The following TMEM119 variants were observed in gnomAD, a reference collection of about 807,000 sequenced individuals.
TMEM119 encodes transmembrane protein 119.
For synonymous variants in TMEM119, 182 were observed against 176.4 expected, an observed-to-expected ratio of 1.03 and a Z score of -0.25; for missense variants, 410 against 381.0, an observed-to-expected ratio of 1.08 and a Z score of -0.63.
chr12:108,597,555 C>G (rs1232721571), intron 1 of TMEM119, among the ~76,000 whole-genome samples: 1 of 151,978 alleles, frequency 6.6e-6, no homozygotes, highest in African/African-American at 2.4e-5. Context: ...CCCAACAGCA[C>G]TCTCATGGCC....
At position 108,592,698 on chromosome 12, in the gene TMEM119, T is replaced by C. The variant is rs1007763456; in HGVS notation, c.-14-301A>G. Among the ~76,000 whole-genome samples, 3 of 152,140 alleles carry C rather than the reference T, an allele frequency of 2.0e-5. No homozygotes were observed. Among genetic ancestry groups the C allele is most frequent in the Non-Finnish European group, 4.4e-5 (3 of 68,014 alleles). ...ATGTACCCTGACTGACGTGGCTGAA[T>C]TAATAATGATAATTTACACTTTCAT... On this transcript the variant is annotated intron_variant, in intron 1 of 1. Coordinates refer to ENST00000392806, the MANE Select transcript of TMEM119 (RefSeq NM_181724.3). This position sits in a 1 kb window ranked among gnomAD's most constrained non-coding sequence, Gnocchi z 4.3.
At chr12:108,593,120 C>T (rs376558129) in intron 1 of TMEM119, among the ~76,000 whole-genome samples, 3 of 152,114 alleles carry the variant, frequency 2.0e-5, no homozygotes, top group South Asian at 4.1e-4. Context: ...TCAAACCTTC[C>T]GCCAGCCCAG....
Position 108,591,504 on chromosome 12 carries a change from A to C in TMEM119, c.*28T>G, listed in dbSNP as rs532487337. The C allele has an allele frequency of 6.5e-7, 1 of 1,546,816 alleles. No homozygotes were observed. The highest frequency in any genetic ancestry group is 2.0e-5 in the Admixed American group (1 of 50,394). On this transcript the variant is annotated 3_prime_UTR_variant, in exon 2 of 2. Transcript: ENST00000392806. This position sits in a 1 kb window ranked among gnomAD's most constrained non-coding sequence, Gnocchi z 4.2. The stretch of plus-strand genomic sequence containing the variant: ...GGAGGTGACCACTTGGGGGCCCGAC[A>C]GTCAGGGCTGGCAGCCCGGGAGGAC...
rs1368914502 is a variant in TMEM119 at position 108,591,746 on chromosome 12, T to C, written c.638A>G (p.Gln213Arg). ...RGAEEEEKGS[Q>R]EGDQEVQGHG... The stretch of plus-strand genomic sequence containing the variant: ...TCCCTGGACTTCCTGGTCCCCCTCC[T>C]GGCTGCCCTTCTCCTCTTCCTCTGC... The change falls in exon 2 of 2, where the codon CAG (glutamine) becomes CGG (arginine). Residue 213 changes from glutamine to arginine, a missense_variant. Transcript: ENST00000392806. The surrounding 1 kb of genome is among the most constrained non-coding windows in gnomAD (Gnocchi z 4.2). 6.2e-7 allele frequency: 1 copy of C among 1,603,892 alleles called. No individual in the cohort carries two copies. The highest frequency in any genetic ancestry group is 8.5e-7 in the Non-Finnish European group (1 of 1,174,398).
rs2031380285 is a variant in TMEM119 at position 108,590,899 on chromosome 12, T to C, written c.*633A>G. On this transcript the variant is annotated 3_prime_UTR_variant, in exon 2 of 2. Coordinates refer to ENST00000392806, the MANE Select transcript of TMEM119 (RefSeq NM_181724.3). ...TTGAAAGGACACAAGAAGGGAACCA[T>C]TTGCAGTTTCAAAATACTGCTTCAC... 6.6e-6 allele frequency: 1 copy of C among 152,230 alleles called. No homozygotes were observed. The highest frequency in any genetic ancestry group is 1.5e-5 in the Non-Finnish European group (1 of 68,076). The allele number at this position is 152,230 out of a possible 1,614,324, so 9.4% of individuals were successfully genotyped here.
rs2031402833 is a variant in TMEM119, at chr12:108,591,737, TC to T, written c.646del (p.Asp216ThrfsTer44). On this transcript the variant is annotated frameshift_variant, in exon 2 of 2. Transcript: ENST00000392806. LOFTEE classifies it low-confidence loss of function (END_TRUNC). This position sits in a 1 kb window ranked among gnomAD's most constrained non-coding sequence, Gnocchi z 4.2. ...GACCCCATGTCCCTGGACTTCCTGG[TC>T]CCCCTCCTGGCTGCCCTTCTCCTCT... ...EEEEKGSQEG[D>X]QEVQGHGVPV... 4 of 1,605,626 alleles carry T rather than the reference TC, an allele frequency of 2.5e-6. No homozygotes were observed. The highest frequency in any genetic ancestry group is 2.6e-6 in the Non-Finnish European group (3 of 1,175,622).
Position 108,592,410 on chromosome 12 carries a change from AG to A in TMEM119, c.-14-14del. ...GTGCCCCCAGGACCTGTGAGACAGG[AG>A]GGAGGAGAGAAGTCATGGCGGAACT... On this transcript the variant is annotated splice_polypyrimidine_tract_variant and intron_variant, in intron 1 of 1. Transcript: ENST00000392806. The surrounding 1 kb of genome is among the most constrained non-coding windows in gnomAD (Gnocchi z 4.3). 6.5e-7 allele frequency: 1 copy of A among 1,530,416 alleles called. No homozygotes were observed. Among genetic ancestry groups the A allele is most frequent in the Non-Finnish European group, 8.7e-7 (1 of 1,145,550 alleles). The allele number at this position is 1,530,416 out of a possible 1,614,324, so 94.8% of individuals were successfully genotyped here. A position where few individuals can be genotyped will look rare whatever the true frequency, so the allele number is the denominator to read the frequency against.
rs189680738 is a variant in TMEM119 at position 108,590,996 on chromosome 12, A to G, written c.*536T>C. 4 of 152,540 alleles carry G rather than the reference A, an allele frequency of 2.6e-5. No individual in the cohort carries two copies. The highest frequency in any genetic ancestry group is 9.6e-5 in the African/African-American group (4 of 41,596). The allele number at this position is 152,540 out of a possible 1,614,324, so 9.4% of individuals were successfully genotyped here. A position where few individuals can be genotyped will look rare whatever the true frequency, so the allele number is the denominator to read the frequency against. ...TCATCCAAACTCTTCCAAAACTCCCACTTATTCTTTGCTCCCTTGATGGAA... is the reference window on the plus strand; with the variant it reads ...TCATCCAAACTCTTCCAAAACTCCCGCTTATTCTTTGCTCCCTTGATGGAA... On this transcript the variant is annotated 3_prime_UTR_variant, in exon 2 of 2. Coordinates refer to ENST00000392806, the MANE Select transcript of TMEM119 (RefSeq NM_181724.3).
intron 1 of TMEM119, among the ~76,000 whole-genome samples, chr12:108,597,457 C>CCACA (rs140676624): frequency 4.9e-4 from 73 of 149,642 alleles, no homozygotes; most frequent in East Asian, 2.2e-3. Flanking sequence ...CAATCCCCCT[C>CCACA]CACACACACA....
Position 108,592,497 on chromosome 12 carries a change from A to T in TMEM119, c.-14-100T>A, listed in dbSNP as rs1181009110. On this transcript the variant is annotated intron_variant, in intron 1 of 1. Coordinates refer to ENST00000392806, the MANE Select transcript of TMEM119 (RefSeq NM_181724.3). The surrounding 1 kb of genome is among the most constrained non-coding windows in gnomAD (Gnocchi z 4.3). ...CCCCAGGAGGAACAGGGAGCATGAA[A>T]CACCTTCTAGCAAGTCCCTTCCATT... 7.6e-7 allele frequency: 1 copy of T among 1,312,244 alleles called. No individual in the cohort carries two copies. The allele number at this position is 1,312,244 out of a possible 1,614,324, so 81.3% of individuals were successfully genotyped here.
chr12:108,592,204 C>A lies in TMEM119; in HGVS notation c.180G>T (p.Pro60=). The A allele has an allele frequency of 6.2e-7, 1 of 1,612,944 alleles. No individual in the cohort carries two copies. Among genetic ancestry groups the A allele is most frequent in the Non-Finnish European group, 8.5e-7 (1 of 1,179,702 alleles). ...SSPSLPPPWT[P]ALSPTSMGPQ... ...GCCCCATCGATGTGGGGCTGAGGGC[C>A]GGGGTCCAGGGTGGCGGGAGGCTCG... The change falls in exon 2 of 2, where the codon CCG becomes CCT. Residue 60 remains proline, a synonymous_variant. Coordinates refer to ENST00000392806, the MANE Select transcript of TMEM119 (RefSeq NM_181724.3). The surrounding 1 kb of genome is among the most constrained non-coding windows in gnomAD (Gnocchi z 4.3).
At chr12:108,594,365 G>T (rs372560579) in intron 1 of TMEM119, 1 of 151,818 alleles carries the variant, frequency 6.6e-6, no homozygotes, top group Non-Finnish European at 1.5e-5. Flanking sequence ...GACCAGCCTG[G>T]TCAACACGGC....
rs11114002 is a variant in TMEM119 at position 108,592,936 on chromosome 12, C to T, written c.-14-539G>A. 1.6e-4 allele frequency among the ~76,000 whole-genome samples: 25 copies of T among 151,522 alleles called. No homozygotes were observed. The highest frequency in any genetic ancestry group is 3.3e-4 in the Admixed American group (5 of 15,180). ...TAGTAGGGCTGAGTAAGTGAGAAAC[C>T]GATTGAGTGACTGAGGTTGCTGAGT... On this transcript the variant is annotated intron_variant, in intron 1 of 1. Coordinates refer to ENST00000392806, the MANE Select transcript of TMEM119 (RefSeq NM_181724.3). This position sits in a 1 kb window ranked among gnomAD's most constrained non-coding sequence, Gnocchi z 4.3.
chr12:108,589,999 G>A lies in TMEM119; in HGVS notation c.*1533C>T, dbSNP rs1470851757. The stretch of plus-strand genomic sequence containing the variant: ...CAGGACGGAGCCCAGGCTCCCTGTC[G>A]AGGACTGACGAATATTGTGGACACA... On this transcript the variant is annotated 3_prime_UTR_variant, in exon 2 of 2. Coordinates refer to ENST00000392806, the MANE Select transcript of TMEM119 (RefSeq NM_181724.3). 6.6e-6 allele frequency: 1 copy of A among 152,278 alleles called. No individual in the cohort carries two copies. Among genetic ancestry groups the A allele is most frequent in the Non-Finnish European group, 1.5e-5 (1 of 68,102 alleles). The allele number at this position is 152,278 out of a possible 1,614,324, so 9.4% of individuals were successfully genotyped here.
In TMEM119 at chr12:108,592,795, T is replaced by G. The variant is rs980694177; in HGVS notation, c.-14-398A>C. Among the ~76,000 whole-genome samples the G allele has an allele frequency of 6.6e-6, 1 of 152,180 alleles. No homozygotes were observed. The highest frequency in any genetic ancestry group is 1.5e-5 in the Non-Finnish European group (1 of 68,028). On this transcript the variant is annotated intron_variant, in intron 1 of 1. Coordinates refer to ENST00000392806, the MANE Select transcript of TMEM119 (RefSeq NM_181724.3). The surrounding 1 kb of genome is among the most constrained non-coding windows in gnomAD (Gnocchi z 4.3). ...TCAATGAATCCTGATCACTGCCCAG[T>G]GTGGGAAGTTCTATGATTAGGCCCA...
intron 1 of TMEM119, among the ~76,000 whole-genome samples, chr12:108,593,065 C>T (rs893624075): frequency 1.3e-5 from 2 of 152,134 alleles, no homozygotes; most frequent in African/African-American, 4.8e-5. Flanking sequence ...ACTGGGTGGC[C>T]AAAGTGGCTC....
chr12:108,591,172 A>C lies in TMEM119; in HGVS notation c.*360T>G. ...ACTCCTGGTCTCAAGTGATGTCCGC[A>C]CTTGGCCTCCCAAAATGCTGAGATT... On this transcript the variant is annotated 3_prime_UTR_variant, in exon 2 of 2. Coordinates refer to ENST00000392806, the MANE Select transcript of TMEM119 (RefSeq NM_181724.3). The surrounding 1 kb of genome is among the most constrained non-coding windows in gnomAD (Gnocchi z 4.2). 1 of 205,902 alleles carries C rather than the reference A, an allele frequency of 4.9e-6. No homozygotes were observed. 12.8% of individuals were successfully genotyped at this position (205,902 alleles called of 1,614,324 possible). A position where few individuals can be genotyped will look rare whatever the true frequency, so the allele number is the denominator to read the frequency against.
In TMEM119 at chr12:108,591,870, G is replaced by A. The variant is rs372579948; in HGVS notation, c.514C>T (p.Leu172Phe). The A allele has an allele frequency of 3.4e-5, 54 of 1,608,458 alleles. 1 individual carries two copies. The highest frequency in any genetic ancestry group is 4.3e-5 in the Non-Finnish European group (51 of 1,177,648). ...GTGGCGGCCAAGATGTCGGCCTGGA[G>A]CTGCCGGGAGGAATCCAGGGCTTCC... is the stretch of plus-strand genomic sequence containing the variant. ...PEEALDSSRQ[L>F]QADILAATQN... Residue 172 changes from leucine to phenylalanine, a missense_variant, in exon 2 of 2, where the codon CTC (leucine) becomes TTC (phenylalanine). By Grantham distance (22) the Leu-to-Phe change is conservative. Transcript: ENST00000392806. This position sits in a 1 kb window ranked among gnomAD's most constrained non-coding sequence, Gnocchi z 4.2.
At chr12:108,594,485 A>G (rs2031471289) in intron 1 of TMEM119, 1 of 142,258 alleles carries the variant, frequency 7.0e-6, no homozygotes, top group South Asian at 2.3e-4. Context: ...GAGCCCGGGA[A>G]GTTGAGGCTG....
Sources: allele counts gnomAD v4.1 joint callset (sites outside exome capture counted in the v4.1 genomes callset), GRCh38; gene constraint gnomAD v4.1.1; non-coding constraint Gnocchi (gnomAD v3.1); transcripts MANE v1.5; gene names NCBI Gene and HGNC (gene_info 2026-07-23, HGNC 2026-07-21).